The following CHLSN variants were observed in gnomAD, a reference collection of about 807,000 sequenced individuals.
CHLSN encodes the protein cholesin.
At chr7:1,084,285 G>T in the CHLSN span, among the ~76,000 whole-genome samples, 1 of 152,224 alleles carries the variant, frequency 6.6e-6, no homozygotes, top group Non-Finnish European at 1.5e-5. Flanking sequence ...GGCGGGGGAC[G>T]CCAGCGATGC....
the CHLSN span, among the ~76,000 whole-genome samples, chr7:981,670 C>A: frequency 6.6e-6 from 1 of 151,888 alleles, no homozygotes; most frequent in Admixed American, 6.6e-5. Flanking sequence ...GCCGAGATCA[C>A]GCCATTGTAG....
chr7:1,131,296 C>G, the CHLSN span, among the ~76,000 whole-genome samples: 74,362 of 151,750 alleles, frequency 0.49, 18,659 homozygotes, highest in African/African-American at 0.55. Flanking sequence ...GCATTGAGCC[C>G]ACCTAGGGCC....
chr7:1,025,663 G>C, the CHLSN span: 1 of 152,242 alleles, frequency 6.6e-6, no homozygotes, highest in East Asian at 1.9e-4. Context: ...CATCCAGGAG[G>C]AATGGGGCTG....
At chr7:1,115,302 GC>G in the CHLSN span, among the ~76,000 whole-genome samples, 2 of 152,228 alleles carry the variant, frequency 1.3e-5, no homozygotes, top group Non-Finnish European at 2.9e-5. Flanking sequence ...AACGGCCCCG[GC>G]CCTGCCACTG....
the CHLSN span, among the ~76,000 whole-genome samples, chr7:1,134,790 T>C: frequency 2.7e-5 from 4 of 148,604 alleles, no homozygotes; most frequent in African/African-American, 1.0e-4. Context: ...GGCAGGAGAA[T>C]GATGTGAACC....
chr7:1,091,863 G>A, the CHLSN span: 1 of 1,613,448 alleles, frequency 6.2e-7, no homozygotes, highest in South Asian at 1.1e-5. Flanking sequence ...TGGCCAATGG[G>A]ACAGGTGAGC....
At chr7:1,007,825 C>T in the CHLSN span, among the ~76,000 whole-genome samples, 1 of 152,142 alleles carries the variant, frequency 6.6e-6, no homozygotes, top group Non-Finnish European at 1.5e-5. Flanking sequence ...AGGACAGGAG[C>T]AGGGCATGCT....
chr7:1,099,959 G>A, the CHLSN span, among the ~76,000 whole-genome samples: 2 of 152,292 alleles, frequency 1.3e-5, no homozygotes, highest in African/African-American at 2.4e-5. Context: ...GGGTGGGTTC[G>A]GAGTTCCAAT....
At chr7:1,010,136 G>C in the CHLSN span, 3 of 1,609,214 alleles carry the variant, frequency 1.9e-6, no homozygotes, top group Non-Finnish European at 2.5e-6. Context: ...CCTGAGCACA[G>C]CTTCGCCCTG....
chr7:1,058,496 G>A, the CHLSN span: 15 of 779,596 alleles, frequency 1.9e-5, no homozygotes, highest in Middle Eastern at 2.2e-4. Context: ...ACCACATGGG[G>A]GTGCAGCAGG....
At chr7:995,983 G>T in the CHLSN span, among the ~76,000 whole-genome samples, 1 of 152,224 alleles carries the variant, frequency 6.6e-6, no homozygotes, top group South Asian at 2.1e-4. Context: ...GTCTCCTCCG[G>T]CCCCGAGTCT....
chr7:1,044,667 G>A, the CHLSN span: 2 of 152,182 alleles, frequency 1.3e-5, no homozygotes, highest in Admixed American at 1.3e-4. Context: ...CGGTGAGTGG[G>A]GCCCGGGAGC....
the CHLSN span, among the ~76,000 whole-genome samples, chr7:1,103,414 G>A: frequency 9.8e-5 from 15 of 152,292 alleles, no homozygotes; most frequent in East Asian, 3.9e-4. Context: ...CACAACAGTC[G>A]TTAGAATGAC....
At chr7:1,081,698 C>A in the CHLSN span, among the ~76,000 whole-genome samples, 1 of 149,680 alleles carries the variant, frequency 6.7e-6, no homozygotes, top group East Asian at 1.9e-4. Context: ...AGACAAGGCG[C>A]AGCCTGGGGG....
chr7:1,079,559 C>T, the CHLSN span, among the ~76,000 whole-genome samples: 2 of 152,208 alleles, frequency 1.3e-5, no homozygotes, highest in East Asian at 1.9e-4. Flanking sequence ...AGGAAGAGGC[C>T]GGGAAAACAT....
At chr7:1,114,580 A>G in the CHLSN span, among the ~76,000 whole-genome samples, 1 of 152,354 alleles carries the variant, frequency 6.6e-6, no homozygotes, top group African/African-American at 2.4e-5. Flanking sequence ...TTCCTGCTCC[A>G]CAGGCCGTGA....
chr7:1,050,155 CAG>C, the CHLSN span, among the ~76,000 whole-genome samples: 10 of 152,346 alleles, frequency 6.6e-5, no homozygotes, highest in East Asian at 3.9e-4. Context: ...TGCAGGGACA[CAG>C]GGGCCAGCAC....
chr7:983,439 G>GC, the CHLSN span: 3 of 1,373,016 alleles, frequency 2.2e-6, no homozygotes, highest in African/African-American at 3.0e-5. Flanking sequence ...CCGTGTCCTG[G>GC]CCCCCCTCCT....
At chr7:1,077,182 GTCTC>G in the CHLSN span, among the ~76,000 whole-genome samples, 1 of 152,114 alleles carries the variant, frequency 6.6e-6, no homozygotes, top group Non-Finnish European at 1.5e-5. Flanking sequence ...TTGAGATGGA[GTCTC>G]TCTCTGTCGC....
Sources: allele counts gnomAD v4.1 joint callset (sites outside exome capture counted in the v4.1 genomes callset), GRCh38; gene constraint gnomAD v4.1.1; transcripts MANE v1.5; gene names NCBI Gene and HGNC (gene_info 2026-07-23, HGNC 2026-07-21).